Variants in POLQ observed in about 807,000 individuals in gnomAD.
POLQ encodes the protein DNA polymerase theta, also known as epididymis secretory sperm binding protein.
A neutral mutation model predicts 259.2 loss-of-function variants in POLQ; 233 were observed. The ratio of observed to expected loss-of-function variants is 0.90; its 90% CI spans 0.81 to 1.00. POLQ has a LOEUF of 1.00. Among genes scored for constraint, POLQ ranks in the 50% least tolerant of loss-of-function variants. POLQ has a pLI of 0.00. For missense variants in POLQ, 2,871 were observed against 3,051.6 expected (o/e 0.94, Z 1.39); for synonymous variants, 1,025 against 1,048.8 (o/e 0.98, Z 0.44).
Position 121,493,699 on chromosome 3 carries a change from G to T in POLQ, c.2301C>A (p.Asn767Lys). 1 of 1,613,586 alleles carries T rather than the reference G, an allele frequency of 6.2e-7. No individual in the cohort carries two copies. The highest frequency in any genetic ancestry group is 8.5e-7 in the Non-Finnish European group (1 of 1,179,606). Residue 767 changes from asparagine to lysine, a missense_variant, in exon 15 of 30, where the codon AAC (asparagine) becomes AAA (lysine). By Grantham distance (94) the Asn-to-Lys change is moderately conservative. Transcript: ENST00000264233. Reference sequence around the variant, plus strand: ...GTTCCATGTTGTGCCAGCCCAGACGGTTGGAAAATACTGTAATCATCCCTA... The same window carrying T: ...GTTCCATGTTGTGCCAGCCCAGACGTTTGGAAAATACTGTAATCATCCCTA... ...VYAGMITVFSNRLGWHNMELL... is the reference protein window; with the variant it reads ...VYAGMITVFSKRLGWHNMELL...
Position 121,489,875 on chromosome 3 carries a change from A to G in POLQ, c.3056T>C (p.Phe1019Ser), listed in dbSNP as rs748265714. The change falls in exon 16 of 30, where the codon TTT becomes TCT. Residue 1019 changes from phenylalanine to serine, a missense_variant. By Grantham distance (155) the Phe-to-Ser change is radical. Coordinates refer to ENST00000264233, the MANE Select transcript of POLQ (RefSeq NM_199420.4). ...AGGTGCCTTTTTTGTTTTCTGTGAA[A>G]AAGTCTGAACAACTTTCTTATCACT... ...KTSDKKVVQT[F>S]SQKTKKAPLN... 5.0e-6 allele frequency: 8 copies of G among 1,606,718 alleles called. No homozygotes were observed. The highest frequency in any genetic ancestry group is 6.8e-6 in the Non-Finnish European group (8 of 1,178,380).
At chr3:121,498,813 A>T in intron 12 of POLQ, 143 bp from the exon 13 acceptor site, 2 of 636,786 alleles carry the variant, frequency 3.1e-6, no homozygotes, top group Non-Finnish European at 5.2e-6. Flanking sequence ...AGATGGAAAG[A>T]TTGCTTGAAC....
chr3:121,490,037 T>C lies in POLQ; in HGVS notation c.2894A>G (p.His965Arg), dbSNP rs1432909031. The C allele has an allele frequency of 1.3e-6, 2 of 1,573,554 alleles. No homozygotes were observed. Among genetic ancestry groups the C allele is most frequent in the Non-Finnish European group, 1.7e-6 (2 of 1,165,268 alleles). ...IVQDLNKSRE[H>R]TSSFNCNFQN... ...GAAATTACAATTAAAGGAACTTGTATGCTCTCTACTTTTATTTAAGTCTTG... is the reference window on the plus strand; with the variant it reads ...GAAATTACAATTAAAGGAACTTGTACGCTCTCTACTTTTATTTAAGTCTTG... Residue 965 changes from histidine (H) to arginine (R), a missense_variant, in exon 16 of 30, where the codon CAT (histidine) becomes CGT (arginine). His to Arg is a conservative substitution (Grantham distance 29). Coordinates refer to ENST00000264233, the MANE Select transcript of POLQ (RefSeq NM_199420.4).
At chr3:121,438,203 T>C (rs1340437294) in intron 27 of POLQ, among the ~76,000 whole-genome samples, 1 of 152,224 alleles carries the variant, frequency 6.6e-6, no homozygotes, top group African/African-American at 2.4e-5. Flanking sequence ...GTTTACTCTA[T>C]TCCTAATTCA....
chr3:121,473,503 G>A lies in POLQ; in HGVS notation c.6406-16C>T, dbSNP rs3218647. 75,405 of 1,595,502 alleles carry A rather than the reference G, an allele frequency of 0.047. 2,161 individuals carry two copies. The highest frequency in any genetic ancestry group is 0.071 in the Middle Eastern group (425 of 5,996). The stretch of plus-strand genomic sequence containing the variant: ...AAAATAAAACCTGCAAGAAATTAAT[G>A]TCTCTTTAGTCAAGAATGAAACTTG... On this transcript the variant is annotated splice_polypyrimidine_tract_variant and intron_variant, in intron 20 of 29. Transcript: ENST00000264233.
chr3:121,515,329 T>G (rs1465714668), intron 9 of POLQ, among the ~76,000 whole-genome samples: 4 of 152,128 alleles, frequency 2.6e-5, no homozygotes, highest in Non-Finnish European at 5.9e-5. Flanking sequence ...TGCTCAATCA[T>G]GCATTTCCAC....
At chr3:121,539,034 A>T (rs1371836678) in intron 4 of POLQ, among the ~76,000 whole-genome samples, 2 of 152,140 alleles carry the variant, frequency 1.3e-5, no homozygotes, top group African/African-American at 4.8e-5. Flanking sequence ...TAAATGACAG[A>T]CTCTGGGTCC....
chr3:121,489,071 T>C lies in POLQ; in HGVS notation c.3860A>G (p.Asn1287Ser). 3.1e-6 allele frequency: 5 copies of C among 1,613,388 alleles called. No homozygotes were observed. The highest frequency in any genetic ancestry group is 1.7e-5 in the Admixed American group (1 of 60,010). ...KSEGQHENFL[N>S]ISRLQEKTGT... ...TGTTTTTTCTTGTAGTCTAGAAATA[T>C]TTAGAAAATTCTCATGCTGGCCTTC... The change falls in exon 16 of 30, where the codon AAT becomes AGT. Residue 1287 changes from asparagine (N) to serine (S), a missense_variant. This residue lies in a region of POLQ where 2,080 missense variants were observed against 2,126.0 expected (regional missense o/e 0.98). Transcript: ENST00000264233.
chr3:121,452,081 C>T (rs537507119), intron 25 of POLQ, among the ~76,000 whole-genome samples: 3 of 152,318 alleles, frequency 2.0e-5, no homozygotes, highest in East Asian at 1.9e-4. Context: ...TGGTAGCCTC[C>T]GAGTCATGCA....
chr3:121,441,964 T>G (rs1395527491), intron 26 of POLQ, among the ~76,000 whole-genome samples: 2 of 152,226 alleles, frequency 1.3e-5, no homozygotes, highest in Non-Finnish European at 2.9e-5. Flanking sequence ...ATGACAATGT[T>G]TAATATGGTC....
intron 12 of POLQ, among the ~76,000 whole-genome samples, chr3:121,508,643 C>A (rs1043197210): frequency 6.6e-6 from 1 of 152,170 alleles, no homozygotes; most frequent in African/African-American, 2.4e-5. Flanking sequence ...GGGCACAGAC[C>A]TTTGAGCCTA....
chr3:121,497,749 T>G (rs1026495806), intron 13 of POLQ, among the ~76,000 whole-genome samples: 3 of 152,222 alleles, frequency 2.0e-5, no homozygotes, highest in African/African-American at 4.8e-5. Flanking sequence ...TTTCATTATA[T>G]TTCAAAGAAG....
intron 25 of POLQ, among the ~76,000 whole-genome samples, chr3:121,452,550 A>C (rs2047687963): frequency 6.7e-6 from 1 of 148,452 alleles, no homozygotes; most frequent in Non-Finnish European, 1.5e-5. Flanking sequence ...AGCAAGGCTC[A>C]GGGATTAGGT....
chr3:121,507,475 C>T (rs1465926188), intron 12 of POLQ, among the ~76,000 whole-genome samples: 1 of 152,072 alleles, frequency 6.6e-6, no homozygotes, highest in African/African-American at 2.4e-5. Flanking sequence ...ACCTGTAATC[C>T]CAGCACTTTG....
chr3:121,476,239 T>A (rs919508918), intron 20 of POLQ, among the ~76,000 whole-genome samples: 3 of 152,162 alleles, frequency 2.0e-5, no homozygotes, highest in African/African-American at 7.2e-5. Flanking sequence ...CAACCACCAG[T>A]ACCAATCATT....
intron 15 of POLQ, among the ~76,000 whole-genome samples, chr3:121,493,128 CCT>C (rs1266678847): frequency 1.3e-4 from 19 of 151,728 alleles, no homozygotes; most frequent in African/African-American, 4.4e-4. Context: ...ATGGTGAAAC[CCT>C]GTCTCTACTA....
At position 121,509,982 on chromosome 3, in the gene POLQ, T is replaced by C. The variant is rs2048240452; in HGVS notation, c.1816+57A>G. The stretch of plus-strand genomic sequence containing the variant: ...ACAATTTCCATTCACTGAGCAGTCA[T>C]ACAACCTCACTAAAGAAGAAAAAGT... On this transcript the variant is annotated intron_variant, in intron 11 of 29. Coordinates refer to ENST00000264233, the MANE Select transcript of POLQ (RefSeq NM_199420.4). The C allele has an allele frequency of 2.2e-6, 3 of 1,347,402 alleles. No homozygotes were observed. In the South Asian group the frequency reaches 3.5e-5, roughly 16 times the overall value. The allele number at this position is 1,347,402 out of a possible 1,614,324, so 83.5% of individuals were successfully genotyped here. A position where few individuals can be genotyped will look rare whatever the true frequency, so the allele number is the denominator to read the frequency against.
rs1309710301 is a variant in POLQ at position 121,496,940 on chromosome 3, T to C, written c.2154-8A>G. 6.2e-7 allele frequency: 1 copy of C among 1,611,290 alleles called. No homozygotes were observed. Among genetic ancestry groups the C allele is most frequent in the African/African-American group, 1.3e-5 (1 of 74,780 alleles). Reference sequence around the variant, plus strand: ...ACAAGACTGGTGAAAAACCTGGGAATAAATCATCAAAAGCGTGGTAAGAGA... The same window carrying C: ...ACAAGACTGGTGAAAAACCTGGGAACAAATCATCAAAAGCGTGGTAAGAGA... On this transcript the variant is annotated splice_polypyrimidine_tract_variant and splice_region_variant and intron_variant, in intron 13 of 29. Transcript: ENST00000264233.
chr3:121,447,819 C>A (rs1024793653), intron 26 of POLQ, among the ~76,000 whole-genome samples: 1 of 152,122 alleles, frequency 6.6e-6, no homozygotes, highest in Non-Finnish European at 1.5e-5. Flanking sequence ...AGTATTTTTG[C>A]CAGATATATT....
Sources: allele counts gnomAD v4.1 joint callset (sites outside exome capture counted in the v4.1 genomes callset), GRCh38; gene constraint gnomAD v4.1.1; regional missense constraint gnomAD v4.1.1; transcripts MANE v1.5; gene names NCBI Gene and HGNC (gene_info 2026-07-23, HGNC 2026-07-21).